The following LRRTM4 variants were observed in gnomAD, a reference collection of about 807,000 sequenced individuals.
The protein encoded by LRRTM4 is leucine-rich repeat transmembrane neuronal protein 4.
Under a neutral mutation model 47.6 loss-of-function variants are expected in LRRTM4, and 25 were observed. That is an observed-to-expected ratio of 0.53 (90% CI 0.38 to 0.73). The LOEUF (loss-of-function observed/expected upper bound fraction) is 0.73. Among genes scored for constraint, LRRTM4 ranks in the 30% least tolerant of loss-of-function variants. The probability of loss-of-function intolerance (pLI) is 0.00; values close to 1 mark genes in which losing one functional copy is unlikely to be tolerated. For missense variants in LRRTM4, 638 were observed against 713.4 expected (o/e 0.89, Z 1.20); for synonymous variants, 311 against 269.5 (o/e 1.15, Z -1.51).
At chr2:77,503,731 A>C (rs1678660108) in intron 3 of LRRTM4, among the ~76,000 whole-genome samples, 1 of 151,680 alleles carries the variant, frequency 6.6e-6, no homozygotes, top group Non-Finnish European at 1.5e-5. Flanking sequence ...TGAGCTTACA[A>C]AGATATGGAA....
At chr2:77,514,670 G>A (rs903690304) in intron 3 of LRRTM4, among the ~76,000 whole-genome samples, 1 of 151,824 alleles carries the variant, frequency 6.6e-6, no homozygotes, top group Non-Finnish European at 1.5e-5. Context: ...ACTTTGGATG[G>A]AGAGTCTCTT....
intron 2 of LRRTM4, among the ~76,000 whole-genome samples, chr2:77,521,303 T>C (rs1679485861): frequency 6.6e-6 from 1 of 152,016 alleles, no homozygotes. Context: ...AAAGTGTTAA[T>C]AGTCATCCTG....
At chr2:77,218,288 C>T (rs1322885114) in intron 3 of LRRTM4, among the ~76,000 whole-genome samples, 1 of 152,082 alleles carries the variant, frequency 6.6e-6, no homozygotes, top group Non-Finnish European at 1.5e-5. Context: ...GCCACTGCAC[C>T]CAGCTGAGGT....
intron 3 of LRRTM4, among the ~76,000 whole-genome samples, chr2:77,053,528 T>C (rs1318507207): frequency 6.6e-6 from 1 of 152,156 alleles, no homozygotes; most frequent in Non-Finnish European, 1.5e-5. Flanking sequence ...TTGCTTTGTG[T>C]TTTCTGAAGA....
chr2:76,841,271 G>C lies in LRRTM4; in HGVS notation c.1552-92355C>G, dbSNP rs1387959075. ...AGGGGAACATCACACTCTGGGGACT[G>C]TTGTGGGGTGGGGGGAGTGGGGAGG... is the stretch of plus-strand genomic sequence containing the variant. On this transcript the variant is annotated intron_variant, in intron 3 of 3. Transcript: ENST00000409884. Among the ~76,000 whole-genome samples the C allele has an allele frequency of 3.3e-5, 5 of 150,036 alleles. No individual in the cohort carries two copies. In the East Asian group the frequency reaches 8.0e-4, roughly 24 times the overall value.
intron 3 of LRRTM4, among the ~76,000 whole-genome samples, chr2:77,179,296 C>T (rs1319626136): frequency 6.6e-6 from 1 of 152,168 alleles, no homozygotes; most frequent in African/African-American, 2.4e-5. Flanking sequence ...CAGCTAGGAT[C>T]ACTCCATTTT....
chr2:76,944,393 CTACT>C (rs1244383774), intron 3 of LRRTM4, among the ~76,000 whole-genome samples: 6 of 152,260 alleles, frequency 3.9e-5, no homozygotes, highest in East Asian at 1.9e-4. Flanking sequence ...AATTCTCCAT[CTACT>C]TACTTATTTA....
chr2:77,521,624 G>A, intron 2 of LRRTM4, 44 bp downstream of exon 2: 1 of 1,611,194 alleles, frequency 6.2e-7, no homozygotes, highest in Non-Finnish European at 8.5e-7. Flanking sequence ...AGGAAGCCAA[G>A]AGGATCAGCT....
intron 3 of LRRTM4, among the ~76,000 whole-genome samples, chr2:77,237,685 A>AC (rs1406828191): frequency 6.6e-6 from 1 of 152,182 alleles, no homozygotes; most frequent in African/African-American, 2.4e-5. Flanking sequence ...ATTCAGAATC[A>AC]CATAGGGCCT....
At chr2:77,443,403 T>C (rs1675924008) in intron 3 of LRRTM4, among the ~76,000 whole-genome samples, 1 of 152,134 alleles carries the variant, frequency 6.6e-6, no homozygotes, top group African/African-American at 2.4e-5. Context: ...ATAATACCCG[T>C]ATGGTAGCCA....
chr2:77,070,376 T>G (rs374519505), intron 3 of LRRTM4, among the ~76,000 whole-genome samples: 2 of 152,168 alleles, frequency 1.3e-5, no homozygotes, highest in South Asian at 4.1e-4. Flanking sequence ...TCAGAAGTCC[T>G]TTCTCTGCCA....
intron 3 of LRRTM4, among the ~76,000 whole-genome samples, chr2:77,450,284 T>C (rs973676044): frequency 6.7e-6 from 1 of 148,474 alleles, no homozygotes; most frequent in African/African-American, 2.5e-5. Flanking sequence ...CTCTCTGTCA[T>C]GCACACACAC....
chr2:77,160,829 T>G (rs1672706166), intron 3 of LRRTM4, among the ~76,000 whole-genome samples: 1 of 152,152 alleles, frequency 6.6e-6, no homozygotes, highest in Non-Finnish European at 1.5e-5. Flanking sequence ...TGCCTGAATT[T>G]TGCTAAGATA....
chr2:77,492,139 A>G (rs1366000608), intron 3 of LRRTM4, among the ~76,000 whole-genome samples: 2 of 152,208 alleles, frequency 1.3e-5, no homozygotes, highest in African/African-American at 4.8e-5. Flanking sequence ...TTTAAAATAT[A>G]CATAATATTA....
chr2:76,799,450 CT>C (rs1675536125), intron 3 of LRRTM4, among the ~76,000 whole-genome samples: 1 of 138,232 alleles, frequency 7.2e-6, no homozygotes, highest in Non-Finnish European at 1.6e-5. Context: ...TGGGACGTAT[CT>C]CAAAATAATA....
intron 3 of LRRTM4, among the ~76,000 whole-genome samples, chr2:76,757,253 G>T (rs1276060224): frequency 1.3e-5 from 2 of 152,030 alleles, no homozygotes; most frequent in Non-Finnish European, 2.9e-5. Context: ...GCATTTGTTT[G>T]TCTTGTCCTG....
At chr2:77,492,537 G>A (rs1480487414) in intron 3 of LRRTM4, among the ~76,000 whole-genome samples, 1 of 152,114 alleles carries the variant, frequency 6.6e-6, no homozygotes, top group East Asian at 1.9e-4. Context: ...GGAGTTACAA[G>A]TGTGAGCCAC....
Position 76,997,255 on chromosome 2 carries a change from A to AT in LRRTM4, c.1552-248340dup, listed in dbSNP as rs1051668251. On this transcript the variant is annotated intron_variant, in intron 3 of 3. Transcript: ENST00000409884. ...AAGTGAATTTTTACTTTCAGTCCTG[A>AT]TTTTTTTCTTGATTCTCATGCAGTT... Among the ~76,000 whole-genome samples the AT allele has an allele frequency of 1.5e-4, 23 of 152,064 alleles. No individual in the cohort carries two copies. In the East Asian group the frequency reaches 2.7e-3, roughly 18 times the overall value.
intron 3 of LRRTM4, among the ~76,000 whole-genome samples, chr2:77,442,919 C>G (rs1337528142): frequency 6.6e-6 from 1 of 152,118 alleles, no homozygotes; most frequent in Admixed American, 6.6e-5. Flanking sequence ...TCATGGGTCC[C>G]TCTTATGGCT....
Sources: gnomAD v4.1 joint callset for allele counts (sites outside exome capture counted in the v4.1 genomes callset) on GRCh38, gnomAD v4.1.1 for gene constraint, MANE v1.5 for transcripts, NCBI Gene and HGNC (gene_info 2026-07-23, HGNC 2026-07-21) for gene names.